Variants in ZRANB3 observed in about 807,000 individuals in gnomAD.
ZRANB3 encodes the protein zinc finger RANBP2-type containing 3.
Under a neutral mutation model 133.8 loss-of-function variants are expected in ZRANB3, and 125 were observed. The observed-to-expected ratio is 0.93, with a 90% CI of 0.81 to 1.08. ZRANB3 has a LOEUF of 1.08. ZRANB3 is among the 50% of genes least tolerant of loss of function. ZRANB3 has a pLI of 0.00. For missense variants in ZRANB3, 1,229 were observed against 1,275.5 expected (o/e 0.96, Z 0.56); for synonymous variants, 387 against 432.7 (o/e 0.89, Z 1.31).
At chr2:135,257,138 G>A (rs949963953) in intron 12 of ZRANB3, among the ~76,000 whole-genome samples, 1 of 152,140 alleles carries the variant, frequency 6.6e-6, no homozygotes, top group Non-Finnish European at 1.5e-5. Context: ...AGCATACTCA[G>A]TCAAGCAGCC....
chr2:135,391,760 T>C (rs1342742731), intron 2 of ZRANB3, among the ~76,000 whole-genome samples: 1 of 152,058 alleles, frequency 6.6e-6, no homozygotes, highest in Non-Finnish European at 1.5e-5. Context: ...TTTGTATTTT[T>C]AGTAGAGACG....
intron 2 of ZRANB3, among the ~76,000 whole-genome samples, chr2:135,437,488 C>T (rs1468924164): frequency 6.6e-6 from 1 of 152,108 alleles, no homozygotes; most frequent in African/African-American, 2.4e-5. Context: ...ATACCATAAA[C>T]GTCCTGGATT....
intron 19 of ZRANB3, among the ~76,000 whole-genome samples, chr2:135,206,332 C>T (rs1445392817): frequency 6.6e-6 from 1 of 151,626 alleles, no homozygotes; most frequent in Non-Finnish European, 1.5e-5. Flanking sequence ...CTCTGCTTCT[C>T]AGGTTCAAGC....
At chr2:135,500,449 C>T (rs960370137) in intron 2 of ZRANB3, among the ~76,000 whole-genome samples, 5 of 152,030 alleles carry the variant, frequency 3.3e-5, no homozygotes, top group South Asian at 2.1e-4. Context: ...TGAGAATGAA[C>T]GAACTACAAC....
chr2:135,505,891 T>C (rs1000830740), intron 1 of ZRANB3, among the ~76,000 whole-genome samples: 1 of 152,058 alleles, frequency 6.6e-6, no homozygotes, highest in African/African-American at 2.4e-5. Context: ...ATAGCACAAA[T>C]AGTGTAAGGA....
At chr2:135,346,774 A>C (rs983961679) in intron 5 of ZRANB3, among the ~76,000 whole-genome samples, 3 of 152,190 alleles carry the variant, frequency 2.0e-5, no homozygotes, top group African/African-American at 7.2e-5. Flanking sequence ...ATATTTTTAA[A>C]AACCAACAGC....
At chr2:135,216,637 CTG>C in intron 17 of ZRANB3, among the ~76,000 whole-genome samples, 1 of 151,276 alleles carries the variant, frequency 6.6e-6, no homozygotes, top group Non-Finnish European at 1.5e-5. Context: ...CAGGGTCTCC[CTG>C]TGTTTCCCAG....
intron 2 of ZRANB3, among the ~76,000 whole-genome samples, chr2:135,453,167 A>G (rs988815624): frequency 3.9e-5 from 6 of 152,248 alleles, no homozygotes; most frequent in African/African-American, 1.4e-4. Context: ...GCCATAGCCC[A>G]AGCTCTACAG....
At chr2:135,390,918 T>C (rs1687203751) in intron 2 of ZRANB3, 98 bp from the exon 3 acceptor site, 1 of 1,270,490 alleles carries the variant, frequency 7.9e-7, no homozygotes, top group Admixed American at 3.0e-5. Context: ...TGGAGTGCAG[T>C]GGTGCGATCT....
At chr2:135,389,297 A>C (rs1328553620) in intron 3 of ZRANB3, among the ~76,000 whole-genome samples, 1 of 152,234 alleles carries the variant, frequency 6.6e-6, no homozygotes, top group African/African-American at 2.4e-5. Context: ...TTCAAACTAA[A>C]AAATTAGGTC....
At chr2:135,306,426 T>C (rs995989209) in intron 8 of ZRANB3, among the ~76,000 whole-genome samples, 3 of 150,232 alleles carry the variant, frequency 2.0e-5, no homozygotes, top group African/African-American at 7.4e-5. Flanking sequence ...TAGCTGGGAC[T>C]ACAGGCACCC....
At chr2:135,321,392 T>C (rs778377186) in intron 6 of ZRANB3, among the ~76,000 whole-genome samples, 9 of 152,198 alleles carry the variant, frequency 5.9e-5, no homozygotes, top group Non-Finnish European at 1.2e-4. Context: ...TTGACTTCTG[T>C]ATATCGCCTT....
At chr2:135,330,243 T>C (rs893912378) in intron 6 of ZRANB3, among the ~76,000 whole-genome samples, 6 of 152,178 alleles carry the variant, frequency 3.9e-5, no homozygotes, top group Non-Finnish European at 4.4e-5. Flanking sequence ...ATACCTAGTT[T>C]AGTTACAGTT....
chr2:135,338,416 C>T (rs1009561696), intron 6 of ZRANB3, among the ~76,000 whole-genome samples: 1 of 152,202 alleles, frequency 6.6e-6, no homozygotes, highest in African/African-American at 2.4e-5. Context: ...GCTGGGTAAT[C>T]ACACTATGCT....
chr2:135,207,824 T>G lies in ZRANB3; in HGVS notation c.2619A>C (p.Glu873Asp), dbSNP rs777825209. 8.2e-6 allele frequency: 13 copies of G among 1,590,368 alleles called. No individual in the cohort carries two copies. The East Asian group carries it at 2.5e-4, about 30-fold the overall frequency. Residue 873 changes from glutamate to aspartate, a missense_variant, in exon 19 of 21, where the codon GAA (glutamate) becomes GAC (aspartate). Glu to Asp is a conservative substitution (Grantham distance 45, BLOSUM62 2). Transcript: ENST00000264159. ...PRDPFTKKLL[E>D]DGACVPFLNP... is the part of the protein sequence containing the mutation. ...TTAGAAATGGGACACAGGCTCCATC[T>G]TCAAGAAGTTTTCTACAATTGATAA...
At chr2:135,525,952 T>C (rs908290261) in intron 1 of ZRANB3, among the ~76,000 whole-genome samples, 10 of 151,934 alleles carry the variant, frequency 6.6e-5, no homozygotes, top group Admixed American at 2.6e-4. Context: ...TGAAATAGTG[T>C]ACTACATGAT....
At chr2:135,276,710 GA>G (rs1264286419) in intron 8 of ZRANB3, among the ~76,000 whole-genome samples, 2 of 152,136 alleles carry the variant, frequency 1.3e-5, no homozygotes, top group Non-Finnish European at 2.9e-5. Flanking sequence ...GAGAACTGGA[GA>G]AAAGTCAATA....
Position 135,210,421 on chromosome 2 carries a change from G to A in ZRANB3, c.2496-1443C>T, listed in dbSNP as rs113980969. Among the ~76,000 whole-genome samples the A allele has an allele frequency of 3.0e-3, 452 of 152,068 alleles. 3 individuals carry two copies. Among genetic ancestry groups the A allele is most frequent in the African/African-American group, 0.01 (420 of 41,458 alleles). On this transcript the variant is annotated intron_variant, in intron 17 of 20. Coordinates refer to ENST00000264159, the MANE Select transcript of ZRANB3 (RefSeq NM_032143.4). ...ACTATCTCAGCTCATTGCAACCTCC[G>A]CCTTCTGGTTCAAGCTATTCTCATG...
At chr2:135,291,242 G>C (rs995385171) in intron 8 of ZRANB3, among the ~76,000 whole-genome samples, 1 of 152,012 alleles carries the variant, frequency 6.6e-6, no homozygotes, top group Admixed American at 6.6e-5. Context: ...GAGTGCAGTG[G>C]CATGATCTTG....
Sources: allele counts gnomAD v4.1 joint callset (sites outside exome capture counted in the v4.1 genomes callset), GRCh38; gene constraint gnomAD v4.1.1; transcripts MANE v1.5; gene names NCBI Gene and HGNC (gene_info 2026-07-23, HGNC 2026-07-21).